The following XXYLT1 variants were observed in gnomAD, a reference collection of about 807,000 sequenced individuals.
XXYLT1 encodes the protein xyloside xylosyltransferase 1.
A neutral mutation model predicts 28.9 loss-of-function variants in XXYLT1; 20 were observed. The observed-to-expected ratio is 0.69, with a 90% CI of 0.49 to 1.00. The LOEUF (loss-of-function observed/expected upper bound fraction) is 1.00, where lower values mean the gene tolerates loss of function less well. Among genes scored for constraint, XXYLT1 ranks in the 50% least tolerant of loss-of-function variants. The pLI is 0.00. For missense variants in XXYLT1, 542 were observed against 560.1 expected (o/e 0.97, Z 0.33); for synonymous variants, 257 against 253.8 (o/e 1.01, Z -0.12).
chr3:195,112,508 ACACACC>A (rs367871403), intron 3 of XXYLT1, among the ~76,000 whole-genome samples: 15 of 38,872 alleles, frequency 3.9e-4, no homozygotes, highest in South Asian at 1.3e-3. Flanking sequence ...ACACACCCAC[ACACACC>A]CACACACACA....
Position 195,109,532 on chromosome 3 carries a change from T to C in XXYLT1, c.786-39421A>G, listed in dbSNP as rs191198987. ...GGTGTATGAGTGTGCATGTGTGTGGTGTACATGTGTAGGGGGTGTGTGTGT... is the reference window on the plus strand; with the variant it reads ...GGTGTATGAGTGTGCATGTGTGTGGCGTACATGTGTAGGGGGTGTGTGTGT... On this transcript the variant is annotated intron_variant, in intron 3 of 3. Transcript: ENST00000310380. Among the ~76,000 whole-genome samples, 445 of 123,544 alleles carry C rather than the reference T, an allele frequency of 3.6e-3. 7 individuals are homozygous for C. Among genetic ancestry groups the C allele is most frequent in the African/African-American group, 0.012 (424 of 35,398 alleles). 81.0% of individuals were successfully genotyped at this position (123,544 alleles called of 152,430 possible). A position where few individuals can be genotyped will look rare whatever the true frequency, so the allele number is the denominator to read the frequency against.
chr3:195,105,533 A>G (rs1577030827), intron 3 of XXYLT1, among the ~76,000 whole-genome samples: 1 of 152,392 alleles, frequency 6.6e-6, no homozygotes, highest in East Asian at 1.9e-4. Context: ...ACAGACTTTT[A>G]TTTAAACTTC....
chr3:195,234,464 G>A (rs532341980), intron 1 of XXYLT1, among the ~76,000 whole-genome samples: 3 of 151,510 alleles, frequency 2.0e-5, no homozygotes, highest in South Asian at 2.1e-4. Flanking sequence ...GATTACAGGC[G>A]TCTGCCACCA....
At chr3:195,125,724 T>C (rs999174822) in intron 3 of XXYLT1, among the ~76,000 whole-genome samples, 8 of 152,284 alleles carry the variant, frequency 5.3e-5, no homozygotes, top group Admixed American at 2.6e-4. Flanking sequence ...TGGAAATAAG[T>C]TGAAATGTTC....
At chr3:195,102,011 A>T (rs543476319) in intron 3 of XXYLT1, among the ~76,000 whole-genome samples, 16 of 136,248 alleles carry the variant, frequency 1.2e-4, no homozygotes, top group African/African-American at 4.5e-4. Context: ...AAAGAAAGTA[A>T]AGAAACAGAA....
intron 1 of XXYLT1, among the ~76,000 whole-genome samples, chr3:195,249,913 C>T (rs2108838495): frequency 6.6e-6 from 1 of 152,344 alleles, no homozygotes; most frequent in East Asian, 1.9e-4. Flanking sequence ...CCCACCACCA[C>T]CACAGCTTCC....
At chr3:195,122,312 C>T in intron 3 of XXYLT1, 1 of 609,312 alleles carries the variant, frequency 1.6e-6, no homozygotes, top group Non-Finnish European at 2.9e-6. Context: ...CCTCAGTAGT[C>T]TAAAAGGGCT....
chr3:195,183,814 C>T (rs1272593717), intron 2 of XXYLT1, among the ~76,000 whole-genome samples: 1 of 152,192 alleles, frequency 6.6e-6, no homozygotes, highest in African/African-American at 2.4e-5. Flanking sequence ...TAGGACTCTA[C>T]CCCTCAACAG....
In XXYLT1 at chr3:195,255,162, C is replaced by G. The variant is rs1725429847; in HGVS notation, c.504+15393G>C. 6.6e-6 allele frequency among the ~76,000 whole-genome samples: 1 copy of G among 152,222 alleles called. No homozygotes were observed. Among genetic ancestry groups the G allele is most frequent in the Admixed American group, 6.5e-5 (1 of 15,288 alleles). ...TTGCAGAGGGAATGCAGTCCCTCAG[C>G]AAGGAGCTTCAGTCGGACTAAACCA... On this transcript the variant is annotated intron_variant, in intron 1 of 3. Transcript: ENST00000310380. This position sits in a 1 kb window ranked among gnomAD's most constrained non-coding sequence, Gnocchi z 4.5.
rs1446062263 is a variant in XXYLT1, at chr3:195,076,752, G to A, written c.786-6641C>T. On this transcript the variant is annotated intron_variant, in intron 3 of 3. Transcript: ENST00000310380. This position sits in a 1 kb window ranked among gnomAD's most constrained non-coding sequence, Gnocchi z 5.3. Reference sequence around the variant, plus strand: ...CTGGCAGTCTGGGATCCTGGGAGAGGCATCACCCTGCTCTCTGCCTTCATA... The same window carrying A: ...CTGGCAGTCTGGGATCCTGGGAGAGACATCACCCTGCTCTCTGCCTTCATA... 1.3e-5 allele frequency among the ~76,000 whole-genome samples: 2 copies of A among 152,134 alleles called. No homozygotes were observed. Among genetic ancestry groups the A allele is most frequent in the Non-Finnish European group, 2.9e-5 (2 of 68,018 alleles).
chr3:195,110,787 A>C (rs952247384), intron 3 of XXYLT1, among the ~76,000 whole-genome samples: 1 of 5,464 alleles, frequency 1.8e-4, no homozygotes, highest in Non-Finnish European at 3.8e-4. Context: ...GTGGTGTATA[A>C]GTGTATGTGG....
chr3:195,143,846 A>C (rs1431934521), intron 3 of XXYLT1, among the ~76,000 whole-genome samples: 15 of 66,060 alleles, frequency 2.3e-4, no homozygotes, highest in East Asian at 8.0e-4. Context: ...AGATATAGAT[A>C]TATATATAGA....
intron 3 of XXYLT1, among the ~76,000 whole-genome samples, chr3:195,110,060 T>TATAA: frequency 1.7e-5 from 1 of 60,174 alleles, no homozygotes; most frequent in African/African-American, 5.9e-5. Flanking sequence ...GTGTGTGGTG[T>TATAA]GTGTGGTGTC....
chr3:195,112,785 A>C (rs1717841411), intron 3 of XXYLT1, among the ~76,000 whole-genome samples: 1 of 150,150 alleles, frequency 6.7e-6, no homozygotes, highest in African/African-American at 2.5e-5. Context: ...ACCCATGCAC[A>C]CACGCAGCTC....
chr3:195,117,114 TACAC>T (rs10633458), intron 3 of XXYLT1, among the ~76,000 whole-genome samples: 2,417 of 148,702 alleles, frequency 0.016, 45 homozygotes, highest in African/African-American at 0.056. Flanking sequence ...ATATAGTGTA[TACAC>T]ACACACACAC....
intron 1 of XXYLT1, among the ~76,000 whole-genome samples, chr3:195,268,300 G>T (rs561931134): frequency 6.6e-6 from 1 of 151,848 alleles, no homozygotes; most frequent in Non-Finnish European, 1.5e-5. Context: ...GCGTGGTGGC[G>T]GGCGCCTGTA....
intron 2 of XXYLT1, among the ~76,000 whole-genome samples, chr3:195,217,828 G>A (rs1234640822): frequency 6.9e-6 from 1 of 144,898 alleles, no homozygotes; most frequent in African/African-American, 2.7e-5. Flanking sequence ...AAGTTCATAT[G>A]GAACCAAAAA....
chr3:195,188,930 C>T (rs546883193), intron 2 of XXYLT1, among the ~76,000 whole-genome samples: 72 of 152,338 alleles, frequency 4.7e-4, no homozygotes, highest in East Asian at 5.8e-4. Context: ...TTAAGCTCGG[C>T]GCTAGCTTTC....
chr3:195,262,542 A>G (rs1725727606), intron 1 of XXYLT1, among the ~76,000 whole-genome samples: 1 of 152,236 alleles, frequency 6.6e-6, no homozygotes, highest in South Asian at 2.1e-4. Flanking sequence ...TATGGCCTAC[A>G]GGAACAAGGA....
Sources: gnomAD v4.1 joint callset for allele counts (sites outside exome capture counted in the v4.1 genomes callset) on GRCh38, gnomAD v4.1.1 for gene constraint, Gnocchi (gnomAD v3.1) non-coding constraint, MANE v1.5 for transcripts, NCBI Gene and HGNC (gene_info 2026-07-23, HGNC 2026-07-21) for gene names.